The following CACNB4 variants were observed in gnomAD, a reference collection of about 807,000 sequenced individuals.
The protein encoded by CACNB4 is calcium voltage-gated channel auxiliary subunit beta 4, also known as voltage-dependent L-type calcium channel subunit beta-4.
In CACNB4, 32 loss-of-function variants were observed where a neutral mutation model predicts 71.2. The observed-to-expected ratio is 0.45, with a 90% CI of 0.34 to 0.60. The LOEUF (loss-of-function observed/expected upper bound fraction) is 0.60, where lower values mean the gene tolerates loss of function less well. Among genes scored for constraint, CACNB4 ranks in the 20% least tolerant of loss-of-function variants. The pLI is 0.01. For missense variants in CACNB4, 464 were observed against 647.9 expected, an observed-to-expected ratio of 0.72 and a Z score of 3.08; for synonymous variants, 231 against 236.9, an observed-to-expected ratio of 0.97 and a Z score of 0.23.
intron 2 of CACNB4, among the ~76,000 whole-genome samples, chr2:151,975,802 C>A (rs191704770): frequency 6.6e-6 from 1 of 152,056 alleles, no homozygotes; most frequent in Admixed American, 6.5e-5. Flanking sequence ...TTCTTTTTTT[C>A]TCTTAAATTC....
rs775009719 is a variant in CACNB4 at position 151,839,389 on chromosome 2, TC to T, written c.1303-11del. 18 of 1,592,056 alleles carry T rather than the reference TC, an allele frequency of 1.1e-5. No individual in the cohort carries two copies. Among genetic ancestry groups the T allele is most frequent in the Non-Finnish European group, 1.4e-5 (16 of 1,163,566 alleles). On this transcript the variant is annotated splice_polypyrimidine_tract_variant and intron_variant, in intron 13 of 13. Coordinates refer to ENST00000539935, the MANE Select transcript of CACNB4 (RefSeq NM_000726.5). ...GCCTCATTCGCTGACTCTAAAAATA[TC>T]AGATAGTTCATTGATTAAATAATGT...
intron 12 of CACNB4, among the ~76,000 whole-genome samples, chr2:151,844,418 C>CA (rs142757057): frequency 6.7e-5 from 10 of 149,756 alleles, no homozygotes; most frequent in East Asian, 1.9e-4. Flanking sequence ...GAAAATAAAA[C>CA]AAAAAAAAAG....
At chr2:151,951,445 C>T (rs1578942598) in intron 2 of CACNB4, among the ~76,000 whole-genome samples, 1 of 152,100 alleles carries the variant, frequency 6.6e-6, no homozygotes, top group Non-Finnish European at 1.5e-5. Flanking sequence ...ACCACATTTT[C>T]CAATTTCTTT....
chr2:151,938,409 C>T (rs185527987), intron 2 of CACNB4, among the ~76,000 whole-genome samples: 182 of 152,240 alleles, frequency 1.2e-3, no homozygotes, highest in Non-Finnish European at 2.2e-3. Context: ...TGACACCCTC[C>T]CCAATCAAAG....
intron 2 of CACNB4, among the ~76,000 whole-genome samples, chr2:152,029,514 A>G (rs1329671983): frequency 1.2e-5 from 1 of 85,338 alleles, no homozygotes; most frequent in African/African-American, 8.8e-5. Flanking sequence ...AAAAAAAAGA[A>G]AAGAAAAGAA....
intron 2 of CACNB4, among the ~76,000 whole-genome samples, chr2:151,951,360 T>C (rs2099866874): frequency 6.6e-6 from 1 of 151,734 alleles, no homozygotes; most frequent in African/African-American, 2.4e-5. Flanking sequence ...CTCTAATCGA[T>C]CTCTGATGAC....
intron 2 of CACNB4, among the ~76,000 whole-genome samples, chr2:151,903,510 T>C (rs13383195): frequency 0.61 from 92,058 of 151,918 alleles, 31,276 homozygotes; most frequent in Non-Finnish European, 0.8. Context: ...CAGAGAGAGA[T>C]TGTCTTAAAA....
intron 2 of CACNB4, among the ~76,000 whole-genome samples, chr2:152,061,684 A>T (rs1686024064): frequency 6.6e-6 from 1 of 151,666 alleles, no homozygotes; most frequent in Admixed American, 6.6e-5. Flanking sequence ...TATGACTGTC[A>T]TCTCAAACAG....
At chr2:152,013,838 A>T (rs1336589251) in intron 2 of CACNB4, among the ~76,000 whole-genome samples, 14 of 152,246 alleles carry the variant, frequency 9.2e-5, no homozygotes, top group Admixed American at 9.2e-4. Flanking sequence ...TCTTCCCAGC[A>T]TACCTTTTAC....
intron 2 of CACNB4, among the ~76,000 whole-genome samples, chr2:151,934,545 A>G (rs1398111030): frequency 6.6e-6 from 1 of 152,240 alleles, no homozygotes; most frequent in Non-Finnish European, 1.5e-5. Flanking sequence ...TCAGTTAAAA[A>G]TTCTTATTTA....
intron 2 of CACNB4, among the ~76,000 whole-genome samples, chr2:151,993,950 T>C (rs71350311): frequency 0.22 from 33,419 of 151,280 alleles, 3,834 homozygotes; most frequent in Middle Eastern, 0.42. Context: ...GGCAGGAGGA[T>C]TGCTTGAGCC....
chr2:152,098,585 C>G lies in CACNB4; in HGVS notation c.64-172G>C. ...TACAGCCCCCACCCCCACCCACCCACTGCAAGCCTCGACTGCTGAAAAGAT... is the reference window on the plus strand; with the variant it reads ...TACAGCCCCCACCCCCACCCACCCAGTGCAAGCCTCGACTGCTGAAAAGAT... On this transcript the variant is annotated intron_variant, in intron 1 of 13. Coordinates refer to ENST00000539935, the MANE Select transcript of CACNB4 (RefSeq NM_000726.5). This position sits in a 1 kb window ranked among gnomAD's most constrained non-coding sequence, Gnocchi z 5.3. The G allele has an allele frequency of 8.3e-7, 1 of 1,198,588 alleles. No individual in the cohort carries two copies. The highest frequency in any genetic ancestry group is 1.2e-6 in the Non-Finnish European group (1 of 824,268). 74.2% of individuals were successfully genotyped at this position (1,198,588 alleles called of 1,614,324 possible).
At chr2:151,886,015 GTT>G (rs2099849266) in intron 2 of CACNB4, among the ~76,000 whole-genome samples, 1 of 152,032 alleles carries the variant, frequency 6.6e-6, no homozygotes, top group African/African-American at 2.4e-5. Flanking sequence ...GCCTTGTCAT[GTT>G]GCCCAGGCTG....
intron 2 of CACNB4, among the ~76,000 whole-genome samples, chr2:151,945,125 C>T (rs756378917): frequency 2.6e-5 from 4 of 152,148 alleles, no homozygotes; most frequent in Admixed American, 6.5e-5. Context: ...CTGAGACACT[C>T]GGTGTCTCAA....
Position 151,870,752 on chromosome 2 carries a change from T to C in CACNB4, c.618+90A>G, listed in dbSNP as rs541084674. On this transcript the variant is annotated intron_variant, in intron 7 of 13. Coordinates refer to ENST00000539935, the MANE Select transcript of CACNB4 (RefSeq NM_000726.5). Reference sequence around the variant, plus strand: ...CCACCGAGGAGGCTCTTCCCTTATTTTATAGCCACTTGGGTCACTGAAATG... The same window carrying C: ...CCACCGAGGAGGCTCTTCCCTTATTCTATAGCCACTTGGGTCACTGAAATG... 37 of 1,249,980 alleles carry C rather than the reference T, an allele frequency of 3.0e-5. No individual in the cohort carries two copies. The African/African-American group carries it at 5.2e-4, about 17-fold the overall frequency. The allele number at this position is 1,249,980 out of a possible 1,614,324, so 77.4% of individuals were successfully genotyped here.
At chr2:151,849,758 G>A (rs114088879) in intron 12 of CACNB4, among the ~76,000 whole-genome samples, 1,870 of 152,258 alleles carry the variant, frequency 0.012, 47 homozygotes, top group African/African-American at 0.043. Context: ...CAGGTCAGCC[G>A]CCAGCTGAAT....
At chr2:151,846,975 T>G (rs1177698728) in intron 12 of CACNB4, among the ~76,000 whole-genome samples, 2 of 152,104 alleles carry the variant, frequency 1.3e-5, no homozygotes, top group Non-Finnish European at 2.9e-5. Context: ...ATTTATTTGT[T>G]GTACATAGAT....
chr2:151,943,303 GGT>G (rs2099864734), intron 2 of CACNB4, among the ~76,000 whole-genome samples: 1 of 152,136 alleles, frequency 6.6e-6, no homozygotes, highest in Admixed American at 6.6e-5. Flanking sequence ...TAGTGCTGCT[GGT>G]TCTGAAATGT....
At chr2:152,040,576 G>A (rs2105241410) in intron 2 of CACNB4, among the ~76,000 whole-genome samples, 1 of 152,204 alleles carries the variant, frequency 6.6e-6, no homozygotes, top group African/African-American at 2.4e-5. Flanking sequence ...TGAGTAACTG[G>A]AATTACAGGC....
Sources: allele counts gnomAD v4.1 joint callset (sites outside exome capture counted in the v4.1 genomes callset), GRCh38; gene constraint gnomAD v4.1.1; non-coding constraint Gnocchi (gnomAD v3.1); transcripts MANE v1.5; gene names NCBI Gene and HGNC (gene_info 2026-07-23, HGNC 2026-07-21).